The following ARHGAP44 variants were observed in gnomAD, a reference collection of about 807,000 sequenced individuals.
ARHGAP44 encodes the protein Rho GTPase activating protein 44, also known as rho GTPase-activating protein 44.
A neutral mutation model predicts 106.8 loss-of-function variants in ARHGAP44; 43 were observed. The observed-to-expected ratio is 0.40, with a 90% CI of 0.32 to 0.52. The LOEUF is 0.52. Ranked by LOEUF, ARHGAP44 falls within the 20% of genes least tolerant of loss-of-function variation. The pLI, the probability that ARHGAP44 is intolerant of heterozygous loss-of-function variation, is 0.48. For synonymous variants in ARHGAP44, 439 were observed against 410.3 expected (o/e 1.07, Z -0.85); for missense variants, 866 against 1,050.5 (o/e 0.82, Z 2.43).
chr17:12,935,156 A>C (rs1022013053), intron 7 of ARHGAP44, among the ~76,000 whole-genome samples: 1 of 152,194 alleles, frequency 6.6e-6, no homozygotes, highest in African/African-American at 2.4e-5. Flanking sequence ...AATAATCCTG[A>C]ATAGATTACT....
chr17:12,913,038 A>G (rs555666855), intron 4 of ARHGAP44, among the ~76,000 whole-genome samples: 46 of 152,316 alleles, frequency 3.0e-4, no homozygotes, highest in African/African-American at 1.1e-3. Flanking sequence ...AGGAAGACAG[A>G]TGTGCCTTAG....
chr17:12,970,391 A>AAAGAAAAAG (rs1344317827), intron 16 of ARHGAP44, among the ~76,000 whole-genome samples: 52 of 151,178 alleles, frequency 3.4e-4, no homozygotes, highest in African/African-American at 1.2e-3. Flanking sequence ...AAAAAAAAGA[A>AAAGAAAAAG]AAAGAAGAGA....
chr17:12,940,425 A>G (rs1055962035), intron 7 of ARHGAP44, among the ~76,000 whole-genome samples: 2 of 152,210 alleles, frequency 1.3e-5, no homozygotes, highest in Admixed American at 6.5e-5. Flanking sequence ...TCAATGCAGC[A>G]TTGGGTCACC....
In ARHGAP44 at chr17:12,943,576, G is replaced by T; in HGVS notation, c.652-12G>T. 3.7e-6 allele frequency: 6 copies of T among 1,613,492 alleles called. No individual in the cohort carries two copies. Among genetic ancestry groups the T allele is most frequent in the Non-Finnish European group, 5.1e-6 (6 of 1,179,534 alleles). Reference sequence around the variant, plus strand: ...CCTCACTAAGGGTGATGCTTGCCTTGTGTCTTCTCAGCTAATAGAAGTGCA... The same window carrying T: ...CCTCACTAAGGGTGATGCTTGCCTTTTGTCTTCTCAGCTAATAGAAGTGCA... On this transcript the variant is annotated splice_polypyrimidine_tract_variant and intron_variant, in intron 8 of 20. Transcript: ENST00000379672.
chr17:12,943,584 T>G lies in ARHGAP44; in HGVS notation c.652-4T>G, dbSNP rs763297525. On this transcript the variant is annotated splice_region_variant and splice_polypyrimidine_tract_variant and intron_variant, in intron 8 of 20. Coordinates refer to ENST00000379672, the MANE Select transcript of ARHGAP44 (RefSeq NM_014859.6). ...AGGGTGATGCTTGCCTTGTGTCTTC[T>G]CAGCTAATAGAAGTGCAAGCTGAAT... is the stretch of plus-strand genomic sequence containing the variant. The G allele has an allele frequency of 6.2e-7, 1 of 1,613,760 alleles. No individual in the cohort carries two copies. The highest frequency in any genetic ancestry group is 2.2e-5 in the East Asian group (1 of 44,870).
intron 1 of ARHGAP44, among the ~76,000 whole-genome samples, chr17:12,791,082 C>A (rs562122317): frequency 1.3e-5 from 2 of 152,136 alleles, no homozygotes; most frequent in Non-Finnish European, 1.5e-5. Context: ...TCTGAACTCC[C>A]GTCTGAGCAT....
chr17:12,902,599 A>G (rs981715094), intron 3 of ARHGAP44, among the ~76,000 whole-genome samples: 9 of 152,122 alleles, frequency 5.9e-5, no homozygotes, highest in African/African-American at 1.9e-4. Context: ...TCATGAATGG[A>G]TGGTCTGTGA....
intron 16 of ARHGAP44, among the ~76,000 whole-genome samples, chr17:12,971,150 C>T (rs1263074072): frequency 6.6e-6 from 1 of 152,164 alleles, no homozygotes; most frequent in Non-Finnish European, 1.5e-5. Flanking sequence ...GCACGTTGAA[C>T]CCATATTTCT....
intron 3 of ARHGAP44, among the ~76,000 whole-genome samples, chr17:12,906,567 A>G (rs1486861655): frequency 6.6e-6 from 1 of 152,220 alleles, no homozygotes; most frequent in Non-Finnish European, 1.5e-5. Context: ...AAAGGATACA[A>G]ATGAACAGCC....
At chr17:12,855,239 A>G (rs1567650672) in intron 1 of ARHGAP44, among the ~76,000 whole-genome samples, 1 of 152,138 alleles carries the variant, frequency 6.6e-6, no homozygotes, top group Non-Finnish European at 1.5e-5. Flanking sequence ...CCCCATCTCT[A>G]AAGATAATAA....
At chr17:12,818,359 C>G (rs2034663680) in intron 1 of ARHGAP44, among the ~76,000 whole-genome samples, 1 of 140,518 alleles carries the variant, frequency 7.1e-6, no homozygotes, top group East Asian at 2.0e-4. Flanking sequence ...AAAAACAACC[C>G]TACAACTCAC....
At position 12,789,736 on chromosome 17, in the gene ARHGAP44, C is replaced by T. The variant is rs1019068708; in HGVS notation, c.-103C>T. The T allele has an allele frequency of 2.7e-6, 3 of 1,127,450 alleles. No homozygotes were observed. In the African/African-American group the frequency reaches 4.9e-5, roughly 19 times the overall value. 69.8% of individuals were successfully genotyped at this position (1,127,450 alleles called of 1,614,324 possible). ...CCCGGAGGCTCCGCAGTGCCGCCGC[C>T]GTCGCCCGGGAGGCTCCGCGCGGGA... On this transcript the variant is annotated 5_prime_UTR_variant, in exon 1 of 21. Coordinates refer to ENST00000379672, the MANE Select transcript of ARHGAP44 (RefSeq NM_014859.6).
At chr17:12,793,363 G>T (rs1266820604) in intron 1 of ARHGAP44, among the ~76,000 whole-genome samples, 3 of 152,190 alleles carry the variant, frequency 2.0e-5, no homozygotes, top group Non-Finnish European at 4.4e-5. Context: ...ACACTGCTCT[G>T]GTTCAGGGAG....
chr17:12,817,354 T>C (rs62060416), intron 1 of ARHGAP44, among the ~76,000 whole-genome samples: 7,406 of 152,144 alleles, frequency 0.049, 224 homozygotes, highest in African/African-American at 0.089. Context: ...TGCACGCCTG[T>C]GTCAATAAAC....
intron 4 of ARHGAP44, among the ~76,000 whole-genome samples, chr17:12,912,553 A>C (rs1174295481): frequency 6.6e-6 from 1 of 152,314 alleles, no homozygotes; most frequent in East Asian, 1.9e-4. Flanking sequence ...TCTTGAGGAC[A>C]TGAGTTTCTA....
chr17:12,860,851 CTATTCTT>C (rs1236965437), intron 1 of ARHGAP44, among the ~76,000 whole-genome samples: 1,917 of 103,442 alleles, frequency 0.019, 25 homozygotes, highest in African/African-American at 0.069. Flanking sequence ...TGGTTTTTTT[CTATTCTT>C]TTTTTTTTTT....
intron 1 of ARHGAP44, among the ~76,000 whole-genome samples, chr17:12,797,484 T>C (rs1474290816): frequency 6.6e-6 from 1 of 152,200 alleles, no homozygotes; most frequent in African/African-American, 2.4e-5. Flanking sequence ...CTGTTGGTTC[T>C]GGCAGGAATT....
At chr17:12,800,753 G>A (rs2034067985) in intron 1 of ARHGAP44, among the ~76,000 whole-genome samples, 5 of 152,146 alleles carry the variant, frequency 3.3e-5, no homozygotes, top group Admixed American at 3.3e-4. Flanking sequence ...TTCACAGATG[G>A]GGAAATAGAG....
chr17:12,937,071 C>T (rs925803183), intron 7 of ARHGAP44, among the ~76,000 whole-genome samples: 2 of 152,172 alleles, frequency 1.3e-5, no homozygotes, highest in Non-Finnish European at 2.9e-5. Context: ...TTTGGTGAGC[C>T]TGTGCCTTAG....
Sources: allele counts gnomAD v4.1 joint callset (sites outside exome capture counted in the v4.1 genomes callset), GRCh38; gene constraint gnomAD v4.1.1; transcripts MANE v1.5; gene names NCBI Gene and HGNC (gene_info 2026-07-23, HGNC 2026-07-21).